The following RELN variants were observed in gnomAD, a reference collection of about 807,000 sequenced individuals.
The protein encoded by RELN is reelin.
RELN carries 108 observed loss-of-function variants against 427.6 expected under a neutral mutation model. The ratio of observed to expected loss-of-function variants is 0.25; its 90% CI spans 0.22 to 0.30. RELN has a LOEUF of 0.30. Among genes scored for constraint, RELN ranks in the 10% least tolerant of loss-of-function variants. RELN has a pLI of 1.00. For synonymous variants in RELN, 1,524 were observed against 1,513.4 expected (o/e 1.01, Z -0.16); for missense variants, 3,715 against 4,302.8 (o/e 0.86, Z 3.82).
At chr7:103,722,929 A>C (rs1790113734) in intron 8 of RELN, among the ~76,000 whole-genome samples, 1 of 152,224 alleles carries the variant, frequency 6.6e-6, no homozygotes, top group South Asian at 2.1e-4. Flanking sequence ...CAGTATTTTT[A>C]ATACCATTCA....
chr7:103,715,956 A>G (rs1789926880), intron 8 of RELN, among the ~76,000 whole-genome samples: 1 of 152,162 alleles, frequency 6.6e-6, no homozygotes, highest in Non-Finnish European at 1.5e-5. Context: ...CCCATTTTCT[A>G]GGAGGACTAA....
At chr7:103,720,741 A>G (rs939077145) in intron 8 of RELN, among the ~76,000 whole-genome samples, 18 of 152,136 alleles carry the variant, frequency 1.2e-4, no homozygotes, top group Non-Finnish European at 2.5e-4. Flanking sequence ...ATTACTATGG[A>G]TACCCACAAT....
intron 20 of RELN, among the ~76,000 whole-genome samples, chr7:103,613,327 C>T (rs1269290138): frequency 6.6e-6 from 1 of 152,142 alleles, no homozygotes; most frequent in African/African-American, 2.4e-5. Flanking sequence ...GTTTTGTTTA[C>T]AGTGAATTTA....
At chr7:103,543,022 C>G in intron 42 of RELN, 144 bp from the exon 43 acceptor site, 1 of 837,684 alleles carries the variant, frequency 1.2e-6, no homozygotes, top group Non-Finnish European at 1.9e-6. Context: ...GGATAAGAGG[C>G]CTTTTCAACA....
At chr7:103,952,836 G>C (rs1023561550) in intron 1 of RELN, among the ~76,000 whole-genome samples, 2 of 152,174 alleles carry the variant, frequency 1.3e-5, no homozygotes, top group African/African-American at 4.8e-5. Context: ...AACACTCACA[G>C]AGGATGAAAA....
intron 4 of RELN, among the ~76,000 whole-genome samples, chr7:103,768,022 G>T (rs1791467688): frequency 6.6e-6 from 1 of 152,088 alleles, no homozygotes. Context: ...TTTACTGTCT[G>T]TCTCCTCTTC....
At chr7:103,624,602 AT>A (rs1240490494) in intron 20 of RELN, among the ~76,000 whole-genome samples, 3 of 151,974 alleles carry the variant, frequency 2.0e-5, no homozygotes, top group Non-Finnish European at 4.4e-5. Context: ...AACTTTTTGT[AT>A]TTTTAGTAGA....
At chr7:103,945,838 C>A (rs181514149) in intron 1 of RELN, among the ~76,000 whole-genome samples, 2 of 152,188 alleles carry the variant, frequency 1.3e-5, no homozygotes, top group Admixed American at 6.5e-5. Flanking sequence ...CATTATGTTA[C>A]CATTGCCTCT....
At chr7:103,533,548 A>G (rs1466334592) in intron 46 of RELN, among the ~76,000 whole-genome samples, 2 of 152,150 alleles carry the variant, frequency 1.3e-5, no homozygotes, top group Non-Finnish European at 2.9e-5. Flanking sequence ...TGAATTACCC[A>G]AAGGGCCTTG....
intron 41 of RELN, among the ~76,000 whole-genome samples, chr7:103,547,441 C>A (rs768473381): frequency 2.0e-5 from 3 of 152,086 alleles, no homozygotes. Context: ...GGATTACAGG[C>A]GCCCGCCACC....
chr7:103,972,894 A>ATGTGTGTGTGTG (rs34930399), intron 1 of RELN, among the ~76,000 whole-genome samples: 16,158 of 149,116 alleles, frequency 0.11, 1,184 homozygotes, highest in East Asian at 0.21. Flanking sequence ...GCATATGATT[A>ATGTGTGTGTGTG]TGTGTGTGTG....
At chr7:103,744,684 C>G (rs1425138373) in intron 6 of RELN, among the ~76,000 whole-genome samples, 1 of 152,130 alleles carries the variant, frequency 6.6e-6, no homozygotes, top group African/African-American at 2.4e-5. Context: ...ATAAATTCCT[C>G]AACACATACA....
rs936715195 is a variant in RELN, at chr7:103,824,482, A to G, written c.473+9055T>C. Among the ~76,000 whole-genome samples the G allele has an allele frequency of 6.6e-6, 1 of 152,010 alleles. No homozygotes were observed. Among genetic ancestry groups the G allele is most frequent in the Non-Finnish European group, 1.5e-5 (1 of 67,988 alleles). On this transcript the variant is annotated intron_variant, in intron 3 of 64. Coordinates refer to ENST00000428762, the MANE Select transcript of RELN (RefSeq NM_005045.4). This position sits in a 1 kb window ranked among gnomAD's most constrained non-coding sequence, Gnocchi z 4.4. Reference sequence around the variant, plus strand: ...GCTCCTGACAATAGCTCCAGGCCCCATATAGGTTAAAACTCCAGATCTAGG... The same window carrying G: ...GCTCCTGACAATAGCTCCAGGCCCCGTATAGGTTAAAACTCCAGATCTAGG...
intron 2 of RELN, among the ~76,000 whole-genome samples, chr7:103,843,803 T>C (rs1793612410): frequency 6.6e-6 from 1 of 152,210 alleles, no homozygotes; most frequent in African/African-American, 2.4e-5. Context: ...TACAGCATCC[T>C]TTTCAAAGAG....
chr7:103,490,838 A>G lies in RELN; in HGVS notation c.9444-9T>C, dbSNP rs1317886732. 6.2e-7 allele frequency: 1 copy of G among 1,614,016 alleles called. No individual in the cohort carries two copies. Among genetic ancestry groups the G allele is most frequent in the East Asian group, 2.2e-5 (1 of 44,894 alleles). ...GCTGCCAGGAATCCGATCTGCAGAA[A>G]CCAAAAGGCTTTGTTAGACAAATTG... is the stretch of plus-strand genomic sequence containing the variant. On this transcript the variant is annotated splice_polypyrimidine_tract_variant and intron_variant, in intron 58 of 64. Coordinates refer to ENST00000428762, the MANE Select transcript of RELN (RefSeq NM_005045.4).
At chr7:103,757,744 G>A (rs1357402736) in intron 4 of RELN, among the ~76,000 whole-genome samples, 4 of 152,144 alleles carry the variant, frequency 2.6e-5, no homozygotes, top group Non-Finnish European at 4.4e-5. Context: ...ATGCACTAGG[G>A]ATGGGAACCC....
At chr7:103,662,912 C>T (rs148513520) in intron 11 of RELN, among the ~76,000 whole-genome samples, 161 of 152,280 alleles carry the variant, frequency 1.1e-3, no homozygotes, top group African/African-American at 3.8e-3. Flanking sequence ...GCAGAACATG[C>T]AGTCCTTCTT....
intron 4 of RELN, among the ~76,000 whole-genome samples, chr7:103,755,612 AAAAAAT>A: frequency 5.3e-5 from 4 of 75,210 alleles, no homozygotes; most frequent in Non-Finnish European, 1.1e-4. Context: ...TGTCTCAAAA[AAAAAAT>A]AAAAAAAATA....
At chr7:103,612,736 A>C (rs1831989572) in intron 20 of RELN, among the ~76,000 whole-genome samples, 1 of 152,166 alleles carries the variant, frequency 6.6e-6, no homozygotes. Context: ...ATATAGTTTT[A>C]ATGGTTGTGT....
Sources: gnomAD v4.1 joint callset for allele counts (sites outside exome capture counted in the v4.1 genomes callset) on GRCh38, gnomAD v4.1.1 for gene constraint, Gnocchi (gnomAD v3.1) non-coding constraint, MANE v1.5 for transcripts, NCBI Gene and HGNC (gene_info 2026-07-23, HGNC 2026-07-21) for gene names.